The following RTN1 variants were observed in gnomAD, a reference collection of about 807,000 sequenced individuals.
RTN1 encodes the protein reticulon-1.
In RTN1, 25 loss-of-function variants were observed where a neutral mutation model predicts 65.5. That is an observed-to-expected ratio of 0.38 (90% CI 0.28 to 0.53). RTN1 has a LOEUF of 0.53. RTN1 is among the 20% of genes least tolerant of loss of function. The pLI, the probability that RTN1 is intolerant of heterozygous loss-of-function variation, is 0.79. For synonymous variants in RTN1, 471 were observed against 447.6 expected (o/e 1.05, Z -0.66); for missense variants, 983 against 1,025.4 (o/e 0.96, Z 0.57).
chr14:59,772,739 G>A (rs1413953150), intron 1 of RTN1, among the ~76,000 whole-genome samples: 1 of 152,004 alleles, frequency 6.6e-6, no homozygotes, highest in African/African-American at 2.4e-5. Flanking sequence ...TTATTGTTTA[G>A]CATCTAAGAT....
At chr14:59,723,305 G>C (rs984274546) in intron 3 of RTN1, among the ~76,000 whole-genome samples, 1 of 151,902 alleles carries the variant, frequency 6.6e-6, no homozygotes, top group African/African-American at 2.4e-5. Context: ...TACTGCCATC[G>C]TCTAAAACCC....
rs574822109 is a variant in RTN1, at chr14:59,705,851, G to T, written c.1765+21068C>A. 8.6e-4 allele frequency among the ~76,000 whole-genome samples: 131 copies of T among 152,248 alleles called. 1 individual carries two copies. The highest frequency in any genetic ancestry group is 3.0e-3 in the African/African-American group (126 of 41,544). Reference sequence around the variant, plus strand: ...CTCAGAAAATGATACCCCAAAATATGGCCGTTTGGCATGCTGAGTGCTTTG... The same window carrying T: ...CTCAGAAAATGATACCCCAAAATATTGCCGTTTGGCATGCTGAGTGCTTTG... On this transcript the variant is annotated intron_variant, in intron 3 of 8. Transcript: ENST00000267484.
intron 1 of RTN1, among the ~76,000 whole-genome samples, chr14:59,861,509 G>T (rs1427763940): frequency 6.6e-6 from 1 of 152,112 alleles, no homozygotes; most frequent in Non-Finnish European, 1.5e-5. Context: ...GTCAAGTTAG[G>T]GGCACTGTTG....
chr14:59,870,436 C>G lies in RTN1; in HGVS notation c.195G>C (p.Ser65=), dbSNP rs1190772210. The G allele has an allele frequency of 3.3e-6, 5 of 1,517,204 alleles. No homozygotes were observed. Among genetic ancestry groups the G allele is most frequent in the Middle Eastern group, 2.1e-4 (1 of 4,840 alleles). 94.0% of individuals were successfully genotyped at this position (1,517,204 alleles called of 1,614,324 possible). Residue 65 remains serine, a synonymous_variant, in exon 1 of 9, where the codon TCG becomes TCC. Coordinates refer to ENST00000267484, the MANE Select transcript of RTN1 (RefSeq NM_021136.3). This position sits in a 1 kb window ranked among gnomAD's most constrained non-coding sequence, Gnocchi z 5.1. ...AREAASREAG[S]GPARQSPVAM... is the part of the protein sequence containing the mutation. ...CAACGGGCGACTGCCGGGCGGGGCC[C>G]GAGCCGGCTTCCCGCGACGCCGCTT...
rs1425752603 is a variant in RTN1 at position 59,849,899 on chromosome 14, C to G, written c.241+20491G>C. 6.6e-6 allele frequency among the ~76,000 whole-genome samples: 1 copy of G among 152,144 alleles called. No individual in the cohort carries two copies. Among genetic ancestry groups the G allele is most frequent in the East Asian group, 1.9e-4 (1 of 5,192 alleles). On this transcript the variant is annotated intron_variant, in intron 1 of 8. Coordinates refer to ENST00000267484, the MANE Select transcript of RTN1 (RefSeq NM_021136.3). The surrounding 1 kb of genome is among the most constrained non-coding windows in gnomAD (Gnocchi z 4.5). Reference sequence around the variant, plus strand: ...TTTTGCTTCCTCAAAGGGCTTCCCCCTCTCTGTGTACTTCTCTGTTAACTC... The same window carrying G: ...TTTTGCTTCCTCAAAGGGCTTCCCCGTCTCTGTGTACTTCTCTGTTAACTC...
intron 2 of RTN1, among the ~76,000 whole-genome samples, chr14:59,742,382 T>G (rs1210750013): frequency 6.6e-6 from 1 of 152,142 alleles, no homozygotes; most frequent in East Asian, 1.9e-4. Flanking sequence ...ATCAGGGCAT[T>G]TATTATGTTT....
chr14:59,747,397 G>A (rs902084487), intron 1 of RTN1, among the ~76,000 whole-genome samples: 5 of 152,192 alleles, frequency 3.3e-5, no homozygotes, highest in Non-Finnish European at 7.3e-5. Flanking sequence ...ATCTCCTGAG[G>A]TCGGGAGTTC....
intron 1 of RTN1, among the ~76,000 whole-genome samples, chr14:59,839,960 A>G (rs537053777): frequency 5.9e-5 from 9 of 151,490 alleles, no homozygotes; most frequent in African/African-American, 1.9e-4. Context: ...TTGGTGTTCC[A>G]TAATTAACTT....
At chr14:59,601,019 C>T (rs1408921564) in intron 8 of RTN1, among the ~76,000 whole-genome samples, 1 of 152,112 alleles carries the variant, frequency 6.6e-6, no homozygotes, top group African/African-American at 2.4e-5. Context: ...CTTTAAAAAA[C>T]ATAAATCTGA....
Position 59,727,523 on chromosome 14 carries a change from C to T in RTN1, c.1161G>A (p.Lys387=). ...GGATGGTTGGCGGTCCGGACCTGGC[C>T]TTGACCTCGGGCCTGTCGGCCAGCT... ...VGQLADRPEV[K]ARSGPPTIPS... The change falls in exon 3 of 9, where the codon AAG becomes AAA. Residue 387 remains lysine, a synonymous_variant. Transcript: ENST00000267484. The surrounding 1 kb of genome is among the most constrained non-coding windows in gnomAD (Gnocchi z 4.2). 6.2e-7 allele frequency: 1 copy of T among 1,606,504 alleles called. No homozygotes were observed. Among genetic ancestry groups the T allele is most frequent in the Non-Finnish European group, 8.5e-7 (1 of 1,177,224 alleles).
intron 1 of RTN1, among the ~76,000 whole-genome samples, chr14:59,753,597 C>T (rs1422280186): frequency 6.6e-6 from 1 of 152,176 alleles, no homozygotes; most frequent in Non-Finnish European, 1.5e-5. Flanking sequence ...TCAGTTAGAA[C>T]TCTTGTAAAC....
At chr14:59,788,552 T>C (rs1886292774) in intron 1 of RTN1, among the ~76,000 whole-genome samples, 1 of 152,222 alleles carries the variant, frequency 6.6e-6, no homozygotes. Context: ...TTCATTTAGT[T>C]CTCGATTTTG....
intron 1 of RTN1, among the ~76,000 whole-genome samples, chr14:59,763,555 CAG>C (rs1885791137): frequency 1.6e-5 from 2 of 127,412 alleles, no homozygotes; most frequent in African/African-American, 3.0e-5. Flanking sequence ...TTTTTTGAGA[CAG>C]AGTCTCGCCC....
chr14:59,749,332 A>C (rs190712039), intron 1 of RTN1, among the ~76,000 whole-genome samples: 2 of 64,528 alleles, frequency 3.1e-5, no homozygotes, highest in Non-Finnish European at 4.7e-5. Context: ...ATATATCTAT[A>C]TATATCTATA....
Position 59,627,447 on chromosome 14 carries a change from T to C in RTN1, c.1766-19955A>G, listed in dbSNP as rs535309434. Among the ~76,000 whole-genome samples, 297 of 152,280 alleles carry C rather than the reference T, an allele frequency of 2.0e-3. 2 individuals are homozygous for C. The highest frequency in any genetic ancestry group is 3.4e-3 in the Middle Eastern group (1 of 294). On this transcript the variant is annotated intron_variant, in intron 3 of 8. Transcript: ENST00000267484. The stretch of plus-strand genomic sequence containing the variant: ...CCACACAGGTTTTGTGGGGACTAAA[T>C]GTAGTAATTCAAACAAACCACTCAG...
At chr14:59,644,079 G>T (rs1263021295) in intron 3 of RTN1, among the ~76,000 whole-genome samples, 1 of 152,152 alleles carries the variant, frequency 6.6e-6, no homozygotes, top group Admixed American at 6.6e-5. Flanking sequence ...CTCTAAAAGG[G>T]AGCTAACAGG....
chr14:59,598,425 C>G (rs978982547), intron 8 of RTN1, among the ~76,000 whole-genome samples: 2 of 152,160 alleles, frequency 1.3e-5, no homozygotes, highest in Non-Finnish European at 1.5e-5. Context: ...AAAGGTCTAT[C>G]AGACACTTTA....
chr14:59,603,160 A>C, intron 7 of RTN1, 37 bp from the exon 8 acceptor site: 1 of 1,612,064 alleles, frequency 6.2e-7, no homozygotes, highest in African/African-American at 1.3e-5. Context: ...GCATATCCAA[A>C]GATGATGAGG....
intron 3 of RTN1, among the ~76,000 whole-genome samples, chr14:59,660,193 T>A (rs1883214812): frequency 6.6e-6 from 1 of 152,126 alleles, no homozygotes; most frequent in African/African-American, 2.4e-5. Context: ...GAGCTGACTA[T>A]CCTAAATATA....
Sources: gnomAD v4.1 joint callset for allele counts (sites outside exome capture counted in the v4.1 genomes callset) on GRCh38, gnomAD v4.1.1 for gene constraint, Gnocchi (gnomAD v3.1) non-coding constraint, MANE v1.5 for transcripts, NCBI Gene and HGNC (gene_info 2026-07-23, HGNC 2026-07-21) for gene names.